FHOD3: variants seen among roughly 807,000 people sequenced by gnomAD.
FHOD3 encodes formin homology 2 domain containing 3, also known as FH1/FH2 domain-containing protein 3.
A neutral mutation model predicts 173.0 loss-of-function variants in FHOD3; 90 were observed. The ratio of observed to expected loss-of-function variants is 0.52; its 90% CI spans 0.44 to 0.62. FHOD3 has a LOEUF of 0.62. Ranked by LOEUF, FHOD3 falls within the 20% of genes least tolerant of loss-of-function variation. The pLI is 0.00. For missense variants in FHOD3, 1,945 were observed against 2,034.7 expected (o/e 0.96, Z 0.85); for synonymous variants, 828 against 823.0 (o/e 1.01, Z -0.10).
chr18:36,696,160 G>T (rs1189839189), intron 17 of FHOD3, among the ~76,000 whole-genome samples: 1 of 152,168 alleles, frequency 6.6e-6, no homozygotes, highest in Non-Finnish European at 1.5e-5. Flanking sequence ...ATGGAAAGCT[G>T]TGCTTCAGAC....
At chr18:36,684,198 T>A (rs1264261305) in intron 15 of FHOD3, among the ~76,000 whole-genome samples, 4 of 152,180 alleles carry the variant, frequency 2.6e-5, no homozygotes, top group Non-Finnish European at 5.9e-5. Context: ...AGGTTGAACT[T>A]AACCCGGTTG....
intron 4 of FHOD3, among the ~76,000 whole-genome samples, chr18:36,511,372 TTC>T (rs2055638000): frequency 6.6e-6 from 1 of 151,934 alleles, no homozygotes. Flanking sequence ...TTTTTTTCTT[TTC>T]TTTTCTTTTT....
At chr18:36,637,216 G>T (rs1454274098) in intron 10 of FHOD3, among the ~76,000 whole-genome samples, 2 of 152,174 alleles carry the variant, frequency 1.3e-5, no homozygotes, top group Admixed American at 6.5e-5. Flanking sequence ...TACTGATTTT[G>T]TTGAGACAGG....
intron 3 of FHOD3, among the ~76,000 whole-genome samples, chr18:36,478,323 G>A (rs2053700787): frequency 6.6e-6 from 1 of 152,068 alleles, no homozygotes; most frequent in African/African-American, 2.4e-5. Flanking sequence ...ATATATTTAT[G>A]GGATATACAT....
intron 3 of FHOD3, among the ~76,000 whole-genome samples, chr18:36,442,743 C>G (rs2051225376): frequency 6.6e-6 from 1 of 152,162 alleles, no homozygotes; most frequent in South Asian, 2.1e-4. Context: ...AACATTGATG[C>G]ATTTCCATTA....
intron 8 of FHOD3, among the ~76,000 whole-genome samples, chr18:36,605,415 G>C (rs1385701962): frequency 6.6e-6 from 1 of 152,150 alleles, no homozygotes; most frequent in African/African-American, 2.4e-5. Context: ...TGTGGCATTT[G>C]ATGTCCAGGA....
At chr18:36,732,857 G>C (rs755688549) in intron 20 of FHOD3, among the ~76,000 whole-genome samples, 1 of 152,202 alleles carries the variant, frequency 6.6e-6, no homozygotes, top group Non-Finnish European at 1.5e-5. Context: ...TGTCCCCGCA[G>C]ACCCTAACCC....
At chr18:36,759,026 G>A in intron 25 of FHOD3, 92 bp from the exon 26 acceptor site, 1 of 1,364,162 alleles carries the variant, frequency 7.3e-7, no homozygotes. Context: ...GGAATTTTAT[G>A]TGACATTGCG....
intron 2 of FHOD3, among the ~76,000 whole-genome samples, chr18:36,359,685 C>T (rs976294734): frequency 1.3e-5 from 2 of 152,116 alleles, no homozygotes; most frequent in South Asian, 2.1e-4. Flanking sequence ...AGCAGTGTAG[C>T]ATAATGGTTA....
intron 5 of FHOD3, among the ~76,000 whole-genome samples, chr18:36,537,590 G>T (rs970931959): frequency 8.6e-5 from 13 of 152,040 alleles, no homozygotes; most frequent in Admixed American, 8.5e-4. Context: ...ATAAGGCAAA[G>T]AAAATTACCA....
At chr18:36,500,419 G>T (rs1342354557) in intron 3 of FHOD3, among the ~76,000 whole-genome samples, 1 of 152,184 alleles carries the variant, frequency 6.6e-6, no homozygotes, top group Non-Finnish European at 1.5e-5. Context: ...GGGGCCATTT[G>T]TTCCATGCCA....
intron 14 of FHOD3, among the ~76,000 whole-genome samples, chr18:36,679,904 A>T (rs1047507068): frequency 6.6e-6 from 1 of 152,198 alleles, no homozygotes; most frequent in African/African-American, 2.4e-5. Flanking sequence ...AAACTTATTA[A>T]TTGGGTTAAA....
At chr18:36,644,493 A>G (rs553542783) in intron 10 of FHOD3, among the ~76,000 whole-genome samples, 14 of 152,254 alleles carry the variant, frequency 9.2e-5, no homozygotes, top group African/African-American at 3.4e-4. Context: ...ATCTGGTCAT[A>G]GGGCATCCTG....
intron 14 of FHOD3, among the ~76,000 whole-genome samples, chr18:36,658,502 G>T (rs115847008): frequency 1.3e-5 from 2 of 152,094 alleles, no homozygotes; most frequent in African/African-American, 4.8e-5. Context: ...TAGATTTTAC[G>T]TAAGCTCTGC....
intron 18 of FHOD3, among the ~76,000 whole-genome samples, chr18:36,716,801 C>T (rs1289142249): frequency 6.6e-6 from 1 of 151,980 alleles, no homozygotes; most frequent in African/African-American, 2.4e-5. Context: ...AGGCAGTGGG[C>T]AAAGCAACTC....
rs141235552 is a variant in FHOD3, at chr18:36,596,815, G to A, written c.718+1917G>A. On this transcript the variant is annotated intron_variant, in intron 7 of 28. Transcript: ENST00000590592. ...CACAAAATGTTGCCCTCTGCTGCTAGGTAGAAAGACCCTTATGGCCAAGAG... is the reference window on the plus strand; with the variant it reads ...CACAAAATGTTGCCCTCTGCTGCTAAGTAGAAAGACCCTTATGGCCAAGAG... 4.6e-5 allele frequency among the ~76,000 whole-genome samples: 7 copies of A among 152,242 alleles called. No individual in the cohort carries two copies. The East Asian group carries it at 5.8e-4, about 13-fold the overall frequency.
At chr18:36,348,996 G>A (rs568922814) in intron 1 of FHOD3, among the ~76,000 whole-genome samples, 2 of 152,338 alleles carry the variant, frequency 1.3e-5, no homozygotes, top group East Asian at 3.9e-4. Flanking sequence ...AGAGGAGGGT[G>A]ACGTAAAGTC....
At chr18:36,355,188 T>C (rs2046303807) in intron 1 of FHOD3, among the ~76,000 whole-genome samples, 1 of 152,180 alleles carries the variant, frequency 6.6e-6, no homozygotes, top group Admixed American at 6.5e-5. Context: ...ACTCAATCCA[T>C]GGTCACAGCA....
intron 16 of FHOD3, among the ~76,000 whole-genome samples, chr18:36,690,125 T>C (rs1411440774): frequency 6.6e-6 from 1 of 152,116 alleles, no homozygotes; most frequent in Non-Finnish European, 1.5e-5. Flanking sequence ...TTTGTCTCTC[T>C]CTCCCACTGA....
Sources: gnomAD v4.1 joint callset for allele counts (sites outside exome capture counted in the v4.1 genomes callset) on GRCh38, gnomAD v4.1.1 for gene constraint, MANE v1.5 for transcripts, NCBI Gene and HGNC (gene_info 2026-07-23, HGNC 2026-07-21) for gene names.